EDNRA: variants seen among roughly 807,000 people sequenced by gnomAD.
EDNRA encodes endothelin-1 receptor.
In EDNRA, 11 loss-of-function variants were observed where a neutral mutation model predicts 41.4. The ratio of observed to expected loss-of-function variants is 0.27; its 90% CI spans 0.17 to 0.44. The LOEUF is 0.44. Ranked by LOEUF, EDNRA falls within the 20% of genes least tolerant of loss-of-function variation. EDNRA has a pLI of 1.00. For synonymous variants in EDNRA, 172 were observed against 183.0 expected (o/e 0.94, Z 0.49); for missense variants, 294 against 531.0 (o/e 0.55, Z 4.39).
At chr4:147,526,761 A>G (rs1398979791) in intron 3 of EDNRA, among the ~76,000 whole-genome samples, 1 of 152,210 alleles carries the variant, frequency 6.6e-6, no homozygotes, top group Non-Finnish European at 1.5e-5. Context: ...CCTGGGCAAC[A>G]TAGCGAGATC....
At chr4:147,497,779 A>G (rs928639808) in intron 2 of EDNRA, among the ~76,000 whole-genome samples, 3 of 152,076 alleles carry the variant, frequency 2.0e-5, no homozygotes, top group Non-Finnish European at 4.4e-5. Flanking sequence ...TCACCGTGTT[A>G]GCCAGGACGG....
chr4:147,542,449 C>G, intron 7 of EDNRA, 29 bp from the exon 8 acceptor site: 1 of 1,613,580 alleles, frequency 6.2e-7, no homozygotes, highest in South Asian at 1.1e-5. Flanking sequence ...GGTAGGCTCG[C>G]CTTACTTCGA....
chr4:147,485,728 G>A lies in EDNRA; in HGVS notation c.47G>A (p.Gly16Glu), dbSNP rs777586355. The change falls in exon 2 of 8, where the codon GGA becomes GAA. Residue 16 changes from glycine (G) to glutamate (E), a missense_variant. Coordinates refer to ENST00000651419, the MANE Select transcript of EDNRA (RefSeq NM_001957.4). ...GCATCCTTTTGGCTGGCACTGGTTG[G>A]ATGTGTAATCAGTGATAATCCTGAG... ...LRASFWLALV[G>E]CVISDNPERY... is the part of the protein sequence containing the mutation. 6.2e-7 allele frequency: 1 copy of A among 1,613,854 alleles called. No individual in the cohort carries two copies.
At chr4:147,505,859 A>G (rs1016627637) in intron 2 of EDNRA, among the ~76,000 whole-genome samples, 2 of 151,920 alleles carry the variant, frequency 1.3e-5, no homozygotes, top group African/African-American at 4.8e-5. Context: ...CGTGTCAGCC[A>G]GGATGGTCTC....
intron 2 of EDNRA, among the ~76,000 whole-genome samples, chr4:147,514,497 G>T (rs1457245717): frequency 6.6e-6 from 1 of 151,932 alleles, no homozygotes; most frequent in African/African-American, 2.4e-5. Context: ...TTTTGAGACG[G>T]AGTTTCACTC....
In EDNRA at chr4:147,535,956, C is replaced by G; in HGVS notation, c.827C>G (p.Thr276Ser). The change falls in exon 5 of 8, where the codon ACC becomes AGC. Residue 276 changes from threonine to serine, a missense_variant. Physicochemically the swap from Thr to Ser is moderately conservative, Grantham distance 58. Around this residue, in one of 3 missense-constraint regions of EDNRA, gnomAD observed 185 missense variants for 390.8 expected, o/e 0.47. Coordinates refer to ENST00000651419, the MANE Select transcript of EDNRA (RefSeq NM_001957.4). ...MPLVCTAIFY[T>S]LMTCEMLNRR... ...TTGGTGTGCACTGCGATCTTCTACA[C>G]CCTCATGACTTGTGAGATGTTGAAC... The G allele has an allele frequency of 6.2e-7, 1 of 1,613,846 alleles. No individual in the cohort carries two copies. Among genetic ancestry groups the G allele is most frequent in the Non-Finnish European group, 8.5e-7 (1 of 1,179,912 alleles).
Position 147,532,730 on chromosome 4 carries a change from C to A in EDNRA, c.747+26C>A, listed in dbSNP as rs771639728. 2.5e-6 allele frequency: 4 copies of A among 1,610,284 alleles called. No individual in the cohort carries two copies. In the African/African-American group the frequency reaches 4.0e-5, roughly 16 times the overall value. On this transcript the variant is annotated intron_variant, in intron 4 of 7. Coordinates refer to ENST00000651419, the MANE Select transcript of EDNRA (RefSeq NM_001957.4). The stretch of plus-strand genomic sequence containing the variant: ...GTACTAAACGTTTAAAAGGAATTAA[C>A]TGGGGAAGGGAGGAGGTCCTCCGTT...
chr4:147,517,869 T>A (rs1441868225), intron 2 of EDNRA, among the ~76,000 whole-genome samples: 1 of 152,214 alleles, frequency 6.6e-6, no homozygotes, highest in South Asian at 2.1e-4. Context: ...TCTGAGAGAA[T>A]CCATGTTCAT....
chr4:147,521,206 G>T (rs758249358), intron 3 of EDNRA, among the ~76,000 whole-genome samples: 3 of 151,810 alleles, frequency 2.0e-5, no homozygotes, highest in Non-Finnish European at 4.4e-5. Context: ...TAAATAAATG[G>T]CTATAACTGT....
intron 5 of EDNRA, among the ~76,000 whole-genome samples, chr4:147,538,409 G>A (rs938901807): frequency 1.3e-4 from 20 of 152,240 alleles, no homozygotes; most frequent in Non-Finnish European, 5.9e-5. Flanking sequence ...TTCCCCAGCT[G>A]CCTTAACAAA....
chr4:147,519,302 C>T lies in EDNRA; in HGVS notation c.421-549C>T, dbSNP rs1272861801. ...ACTTTGTTTTTTTCCAGTATTCTCCCTAACCTTTCATTCTTAATTTCAGAG... is the reference window on the plus strand; with the variant it reads ...ACTTTGTTTTTTTCCAGTATTCTCCTTAACCTTTCATTCTTAATTTCAGAG... On this transcript the variant is annotated intron_variant, in intron 2 of 7. Transcript: ENST00000651419. This position sits in a 1 kb window ranked among gnomAD's most constrained non-coding sequence, Gnocchi z 4.1. Among the ~76,000 whole-genome samples, 1 of 152,128 alleles carries T rather than the reference C, an allele frequency of 6.6e-6. No homozygotes were observed. The highest frequency in any genetic ancestry group is 2.4e-5 in the African/African-American group (1 of 41,430).
At chr4:147,515,980 T>C (rs1160411144) in intron 2 of EDNRA, among the ~76,000 whole-genome samples, 1 of 152,214 alleles carries the variant, frequency 6.6e-6, no homozygotes, top group African/African-American at 2.4e-5. Flanking sequence ...AAAATTCCTA[T>C]ATTAATCTCT....
chr4:147,508,336 G>A lies in EDNRA; in HGVS notation c.421-11515G>A, dbSNP rs192125794. Among the ~76,000 whole-genome samples, 284 of 152,052 alleles carry A rather than the reference G, an allele frequency of 1.9e-3. 3 individuals carry two copies. The highest frequency in any genetic ancestry group is 6.5e-3 in the African/African-American group (269 of 41,496). ...GTATTTTTAGTAGAAACGGGGTTTC[G>A]CCATGTTGTCCAGGCTGGTCTCAAA... is the stretch of plus-strand genomic sequence containing the variant. On this transcript the variant is annotated intron_variant, in intron 2 of 7. Transcript: ENST00000651419.
At chr4:147,529,064 C>T (rs1162403815) in intron 3 of EDNRA, among the ~76,000 whole-genome samples, 2 of 152,110 alleles carry the variant, frequency 1.3e-5, no homozygotes, top group African/African-American at 2.4e-5. Flanking sequence ...CAAGGCACTG[C>T]GATAACAGGT....
rs10551607 is a variant in EDNRA at position 147,541,067 on chromosome 4, CAAAAAAAAAAAAA to C, written c.1143+598_1143+610del. On this transcript the variant is annotated intron_variant, in intron 7 of 7. Transcript: ENST00000651419. ...TGGGCGACAGAGCCAGACTCAGTCT[CAAAAAAAAAAAAA>C]AAAAAAAAAAAAAAAGAAAGGTCTC... 2.8e-3 allele frequency among the ~76,000 whole-genome samples: 128 copies of C among 46,196 alleles called. 1 individual carries two copies. The highest frequency in any genetic ancestry group is 7.9e-3 in the African/African-American group (124 of 15,652). The allele number at this position is 46,196 out of a possible 152,430, so 30.3% of individuals were successfully genotyped here. A position where few individuals can be genotyped will look rare whatever the true frequency, so the allele number is the denominator to read the frequency against.
At chr4:147,490,969 A>G (rs1369839436) in intron 2 of EDNRA, 2 of 152,182 alleles carry the variant, frequency 1.3e-5, no homozygotes, top group Non-Finnish European at 2.9e-5. Flanking sequence ...GTACAGTCCA[A>G]TGGCTTGCCA....
chr4:147,483,478 C>T (rs144319942), intron 1 of EDNRA, among the ~76,000 whole-genome samples: 1 of 152,178 alleles, frequency 6.6e-6, no homozygotes, highest in Non-Finnish European at 1.5e-5. Flanking sequence ...TATGTAAATA[C>T]TATTATTATT....
chr4:147,534,107 G>T (rs1177527917), intron 4 of EDNRA, among the ~76,000 whole-genome samples: 1 of 152,082 alleles, frequency 6.6e-6, no homozygotes, highest in African/African-American at 2.4e-5. Flanking sequence ...TTCTCTGTGG[G>T]CCTTTGCCAT....
chr4:147,517,766 C>A (rs1730166063), intron 2 of EDNRA, among the ~76,000 whole-genome samples: 1 of 152,184 alleles, frequency 6.6e-6, no homozygotes, highest in African/African-American at 2.4e-5. Context: ...TGTCTTTCCT[C>A]TCTGTCCTTC....
Sources: allele counts gnomAD v4.1 joint callset (sites outside exome capture counted in the v4.1 genomes callset), GRCh38; gene constraint gnomAD v4.1.1; regional missense constraint gnomAD v4.1.1; non-coding constraint Gnocchi (gnomAD v3.1); transcripts MANE v1.5; gene names NCBI Gene and HGNC (gene_info 2026-07-23, HGNC 2026-07-21).